SGMS2: variants seen among roughly 807,000 people sequenced by gnomAD.
The protein encoded by SGMS2 is phosphatidylcholine:ceramide cholinephosphotransferase 2.
In SGMS2, 21 loss-of-function variants were observed where a neutral mutation model predicts 43.8. The observed-to-expected ratio is 0.48, with a 90% CI of 0.34 to 0.69. SGMS2 has a LOEUF of 0.69. Among genes scored for constraint, SGMS2 ranks in the 30% least tolerant of loss-of-function variants. SGMS2 has a pLI of 0.01. For missense variants in SGMS2, 384 were observed against 443.2 expected, an observed-to-expected ratio of 0.87 and a Z score of 1.20; for synonymous variants, 167 against 160.6, an observed-to-expected ratio of 1.04 and a Z score of -0.30.
In SGMS2 at chr4:107,829,218, AGT is replaced by A. The variant is rs1242212130; in HGVS notation, c.-327+3967_-327+3968del. Among the ~76,000 whole-genome samples the A allele has an allele frequency of 2.6e-5, 4 of 152,224 alleles. No homozygotes were observed. In the East Asian group the frequency reaches 7.7e-4, roughly 29 times the overall value. ...GACATTTTGGGGCTGATTTAATGAA[AGT>A]GCGAGAAATTTCTATTAGTTTATTT... On this transcript the variant is annotated intron_variant, in intron 1 of 6. Coordinates refer to ENST00000690982, the MANE Select transcript of SGMS2 (RefSeq NM_001375905.1).
intron 1 of SGMS2, among the ~76,000 whole-genome samples, chr4:107,845,569 AGAAACCTG>A (rs1477641083): frequency 6.6e-6 from 1 of 152,210 alleles, no homozygotes; most frequent in Non-Finnish European, 1.5e-5. Flanking sequence ...TTTAAACAAG[AGAAACCTG>A]GCTTGTAGTG....
chr4:107,893,001 C>T (rs1162588317), intron 2 of SGMS2: 1 of 152,068 alleles, frequency 6.6e-6, no homozygotes, highest in African/African-American at 2.4e-5. Context: ...TATATTTAAT[C>T]TTAATGAAAT....
chr4:107,883,694 T>C (rs1729533120), intron 2 of SGMS2, among the ~76,000 whole-genome samples: 1 of 152,230 alleles, frequency 6.6e-6, no homozygotes, highest in South Asian at 2.1e-4. Context: ...TGTTCTTAGA[T>C]TATTTCCAAT....
At chr4:107,866,547 C>T (rs1728137204) in intron 2 of SGMS2, among the ~76,000 whole-genome samples, 1 of 149,362 alleles carries the variant, frequency 6.7e-6, no homozygotes, top group Admixed American at 6.7e-5. Context: ...GCCTGGGTGA[C>T]AAGAGTGAAG....
At position 107,873,215 on chromosome 4, in the gene SGMS2, T is replaced by C. The variant is rs564258983; in HGVS notation, c.-245+14662T>C. ...TGAGACATTCTGTAGGAAGTTCTTATTATTGGTAATTTGGAAATATTTAGT... is the reference window on the plus strand; with the variant it reads ...TGAGACATTCTGTAGGAAGTTCTTACTATTGGTAATTTGGAAATATTTAGT... On this transcript the variant is annotated intron_variant, in intron 2 of 6. Transcript: ENST00000690982. 2.0e-5 allele frequency: 3 copies of C among 152,310 alleles called. No homozygotes were observed. In the South Asian group the frequency reaches 6.2e-4, roughly 32 times the overall value. 9.4% of individuals were successfully genotyped at this position (152,310 alleles called of 1,614,324 possible).
chr4:107,900,808 C>G (rs572687603), intron 4 of SGMS2, among the ~76,000 whole-genome samples: 10 of 152,206 alleles, frequency 6.6e-5, no homozygotes, highest in South Asian at 2.1e-4. Context: ...TCTCCCTCAC[C>G]AAATATAGGT....
At chr4:107,898,263 A>AT (rs11421852) in intron 3 of SGMS2, among the ~76,000 whole-genome samples, 126,317 of 148,930 alleles carry the variant, frequency 0.85, 54,650 homozygotes, top group East Asian at 0.97. Flanking sequence ...GTTCCCTTCT[A>AT]TTTTTTTTTT....
At chr4:107,834,086 G>C (rs1160534120) in intron 1 of SGMS2, among the ~76,000 whole-genome samples, 1 of 152,214 alleles carries the variant, frequency 6.6e-6, no homozygotes. Flanking sequence ...AAAAAAATCT[G>C]TGTTCTTTTA....
At chr4:107,873,900 A>G (rs1188300278) in intron 2 of SGMS2, 13 of 152,106 alleles carry the variant, frequency 8.5e-5, no homozygotes, top group Non-Finnish European at 1.9e-4. Context: ...CCTAAGAACT[A>G]TTTAAGTGCA....
intron 2 of SGMS2, among the ~76,000 whole-genome samples, chr4:107,861,442 C>T (rs1165289874): frequency 6.6e-6 from 1 of 152,126 alleles, no homozygotes; most frequent in Admixed American, 6.6e-5. Context: ...TTCAGGAGGT[C>T]CACCTATCAA....
At chr4:107,899,740 T>C in intron 4 of SGMS2, 48 bp downstream of exon 4, 1 of 1,272,488 alleles carries the variant, frequency 7.9e-7, no homozygotes, top group Non-Finnish European at 1.1e-6. Context: ...CAAACAGTTA[T>C]TGATCACTTA....
At chr4:107,903,799 C>G (rs968856397) in intron 5 of SGMS2, among the ~76,000 whole-genome samples, 2 of 152,166 alleles carry the variant, frequency 1.3e-5, no homozygotes, top group African/African-American at 4.8e-5. Context: ...TAGGACACTT[C>G]CATTCTAGCA....
rs940666653 is a variant in SGMS2 at position 107,912,224 on chromosome 4, G to A, written c.*1671G>A. 10 of 152,068 alleles carry A rather than the reference G, an allele frequency of 6.6e-5. No individual in the cohort carries two copies. Among genetic ancestry groups the A allele is most frequent in the African/African-American group, 2.4e-4 (10 of 41,408 alleles). The allele number at this position is 152,068 out of a possible 1,614,324, so 9.4% of individuals were successfully genotyped here. A position where few individuals can be genotyped will look rare whatever the true frequency, so the allele number is the denominator to read the frequency against. Reference sequence around the variant, plus strand: ...AGAATGGCTTTTTCTGTATGTTATAGAATAATCACTAAAGGAAAGGTAGTT... The same window carrying A: ...AGAATGGCTTTTTCTGTATGTTATAAAATAATCACTAAAGGAAAGGTAGTT... On this transcript the variant is annotated 3_prime_UTR_variant, in exon 7 of 7. Transcript: ENST00000690982.
chr4:107,887,721 A>G (rs1235845583), intron 2 of SGMS2, among the ~76,000 whole-genome samples: 1 of 152,222 alleles, frequency 6.6e-6, no homozygotes, highest in Non-Finnish European at 1.5e-5. Flanking sequence ...AAGTCATTTC[A>G]TTTAACCAAA....
intron 2 of SGMS2, among the ~76,000 whole-genome samples, chr4:107,860,547 A>G (rs892611396): frequency 6.8e-6 from 1 of 147,032 alleles, no homozygotes; most frequent in African/African-American, 2.5e-5. Context: ...TTTGAGACGG[A>G]GCCTCTCTCT....
intron 6 of SGMS2, among the ~76,000 whole-genome samples, chr4:107,909,981 C>T (rs1731973503): frequency 6.6e-6 from 1 of 152,100 alleles, no homozygotes; most frequent in Non-Finnish European, 1.5e-5. Flanking sequence ...TTTCATCTTT[C>T]CTCTTAAATG....
intron 4 of SGMS2, among the ~76,000 whole-genome samples, chr4:107,901,449 A>G (rs950770926): frequency 6.6e-6 from 1 of 152,170 alleles, no homozygotes; most frequent in African/African-American, 2.4e-5. Flanking sequence ...AATGTCCTTC[A>G]TGAGTATAAG....
chr4:107,837,806 G>T (rs1726277709), intron 1 of SGMS2, among the ~76,000 whole-genome samples: 1 of 151,988 alleles, frequency 6.6e-6, no homozygotes, highest in Non-Finnish European at 1.5e-5. Flanking sequence ...TGTTGGATGG[G>T]TTTGAAAGTA....
intron 2 of SGMS2, among the ~76,000 whole-genome samples, chr4:107,885,297 A>C (rs565415967): frequency 1.3e-5 from 2 of 152,320 alleles, no homozygotes; most frequent in African/African-American, 4.8e-5. Context: ...AAATGATTGT[A>C]ATAAAATACA....
Sources: allele counts gnomAD v4.1 joint callset (sites outside exome capture counted in the v4.1 genomes callset), GRCh38; gene constraint gnomAD v4.1.1; transcripts MANE v1.5; gene names NCBI Gene and HGNC (gene_info 2026-07-23, HGNC 2026-07-21).